The following USP35 variants were observed in gnomAD, a reference collection of about 807,000 sequenced individuals.
The protein encoded by USP35 is ubiquitin specific peptidase 35.
A neutral mutation model predicts 83.8 loss-of-function variants in USP35; 69 were observed. That is an observed-to-expected ratio of 0.82 (90% CI 0.68 to 1.01). The LOEUF (loss-of-function observed/expected upper bound fraction) is 1.01. Ranked by LOEUF, USP35 falls within the 50% of genes least tolerant of loss-of-function variation. The probability of loss-of-function intolerance (pLI) is 0.00; values close to 1 mark genes in which losing one functional copy is unlikely to be tolerated. For missense variants in USP35, 1,503 were observed against 1,362.5 expected (o/e 1.10, Z -1.62); for synonymous variants, 714 against 589.5 (o/e 1.21, Z -3.06).
the USP35 span, chr11:78,232,013 G>A: frequency 1.3e-5 from 2 of 152,218 alleles, no homozygotes; most frequent in East Asian, 3.8e-4. Context: ...TATGAGATGA[G>A]GCAATCTTTG....
chr11:78,213,522 T>C, intron 10 of USP35, 124 bp from the exon 11 acceptor site: 2 of 1,142,172 alleles, frequency 1.8e-6, no homozygotes, highest in Non-Finnish European at 2.3e-6. Flanking sequence ...TGAGCTGCAA[T>C]GTCTCTGTGT....
the USP35 span, chr11:78,225,125 C>T: frequency 6.2e-7 from 1 of 1,612,448 alleles, no homozygotes; most frequent in Non-Finnish European, 8.5e-7. Flanking sequence ...GAGCCAACTC[C>T]ATCACTCATG....
At chr11:78,231,466 C>T in the USP35 span, among the ~76,000 whole-genome samples, 3 of 152,108 alleles carry the variant, frequency 2.0e-5, no homozygotes, top group Admixed American at 2.0e-4. Context: ...TCTCCTGCCT[C>T]AGCACCCTGA....
intron 5 of USP35, 87 bp downstream of exon 5, chr11:78,200,321 T>C: frequency 6.8e-7 from 1 of 1,475,784 alleles, no homozygotes; most frequent in Non-Finnish European, 9.4e-7. Context: ...GTAAGGGCCC[T>C]GCCTGCTGAC....
At chr11:78,198,607 C>T (rs1456844331) in intron 3 of USP35, 3 of 985,328 alleles carry the variant, frequency 3.0e-6, no homozygotes, top group Non-Finnish European at 1.2e-6. Flanking sequence ...AGACCCCGTC[C>T]ACCTGGCATG....
chr11:78,221,790 AAGG>A, the USP35 span: 1 of 1,595,602 alleles, frequency 6.3e-7, no homozygotes, highest in African/African-American at 1.3e-5. Context: ...CTGTTGTGGG[AAGG>A]AAGAGTTAAC....
intron 10 of USP35, among the ~76,000 whole-genome samples, chr11:78,213,258 C>T (rs1381585538): frequency 6.6e-6 from 1 of 152,166 alleles, no homozygotes; most frequent in East Asian, 1.9e-4. Flanking sequence ...CGCCATGAGG[C>T]TGACGTCCTG....
chr11:78,220,496 A>C, the USP35 span: 2 of 1,503,708 alleles, frequency 1.3e-6, no homozygotes, highest in African/African-American at 1.4e-5. Flanking sequence ...AGACTAACCC[A>C]CCACCCAGAA....
chr11:78,201,052 C>A (rs1055118646), intron 6 of USP35, among the ~76,000 whole-genome samples: 1 of 152,220 alleles, frequency 6.6e-6, no homozygotes, highest in Non-Finnish European at 1.5e-5. Context: ...TAACCATAAA[C>A]GCTTCTCTGT....
chr11:78,197,847 C>G, intron 2 of USP35, 89 bp from the exon 3 acceptor site: 2 of 1,507,272 alleles, frequency 1.3e-6, no homozygotes, highest in South Asian at 2.6e-5. Flanking sequence ...GAGGCCCAGC[C>G]CGGTTCGTTG....
At chr11:78,231,336 G>GTGGTGT in the USP35 span, among the ~76,000 whole-genome samples, 1,859 of 145,870 alleles carry the variant, frequency 0.013, 38 homozygotes, top group African/African-American at 0.045. Context: ...GCGCGTGTGT[G>GTGGTGT]GTGTGTGTGT....
At chr11:78,215,716 G>T (rs1864090567), downstream of USP35, 1 of 152,368 alleles carries the variant, frequency 6.6e-6, no homozygotes, top group South Asian at 2.1e-4. Context: ...CCCTCGGCAG[G>T]TACCCCATTG....
At position 78,214,244 on chromosome 11, in the gene USP35, G is replaced by GGGGC. The variant is rs1555090100; in HGVS notation, c.*432_*435dup. On this transcript the variant is annotated 3_prime_UTR_variant, in exon 11 of 11. Transcript: ENST00000529308. ...CCAAGCCTTGCACAAAGGGGTGGGGGGGGCAGTGTCTCCTCTGGCTGTCCT... is the reference window on the plus strand; with the variant it reads ...CCAAGCCTTGCACAAAGGGGTGGGGGGGGCGGGCAGTGTCTCCTCTGGCTGTCCT... 85 of 149,508 alleles carry GGGGC rather than the reference G, an allele frequency of 5.7e-4. No homozygotes were observed. Among genetic ancestry groups the GGGGC allele is most frequent in the African/African-American group, 1.9e-3 (76 of 39,184 alleles). The allele number at this position is 149,508 out of a possible 1,614,324, so 9.3% of individuals were successfully genotyped here.
the USP35 span, among the ~76,000 whole-genome samples, chr11:78,232,498 G>C: frequency 1.3e-5 from 2 of 152,316 alleles, no homozygotes; most frequent in African/African-American, 2.4e-5. Flanking sequence ...TATTTGTCTT[G>C]ACTCTGCCAG....
chr11:78,190,878 T>C (rs1301489626), intron 1 of USP35, among the ~76,000 whole-genome samples: 3 of 152,152 alleles, frequency 2.0e-5, no homozygotes, highest in Non-Finnish European at 4.4e-5. Context: ...CTGCAGAGTC[T>C]CCACTGAACA....
At chr11:78,221,856 G>A in the USP35 span, 3 of 982,142 alleles carry the variant, frequency 3.1e-6, no homozygotes, top group Admixed American at 1.9e-5. Context: ...GCTGGGCCCT[G>A]ACCCTCACAC....
chr11:78,205,429 G>A (rs1476090376), intron 6 of USP35, among the ~76,000 whole-genome samples: 1 of 152,208 alleles, frequency 6.6e-6, no homozygotes, highest in Non-Finnish European at 1.5e-5. Context: ...AGCTAGTATG[G>A]ACCAGAGTTG....
At chr11:78,195,575 A>G (rs1283259860) in intron 1 of USP35, among the ~76,000 whole-genome samples, 6 of 151,978 alleles carry the variant, frequency 3.9e-5, no homozygotes, top group Admixed American at 6.6e-5. Flanking sequence ...CTTGGCTGAG[A>G]CTCTGGACAG....
intron 1 of USP35, among the ~76,000 whole-genome samples, chr11:78,195,658 C>CA (rs1863120339): frequency 6.6e-6 from 1 of 152,098 alleles, no homozygotes. Context: ...GAGAGAGAAG[C>CA]AAAGGGGAAG....
Sources: allele counts gnomAD v4.1 joint callset (sites outside exome capture counted in the v4.1 genomes callset), GRCh38; gene constraint gnomAD v4.1.1; transcripts MANE v1.5; gene names NCBI Gene and HGNC (gene_info 2026-07-23, HGNC 2026-07-21).